CNTLN: variants seen among roughly 807,000 people sequenced by gnomAD.
The protein encoded by CNTLN is centlein, centrosomal protein.
CNTLN carries 212 observed loss-of-function variants against 180.0 expected under a neutral mutation model. That is an observed-to-expected ratio of 1.18 (90% CI 1.05 to 1.32). The LOEUF is 1.32. Ranked by LOEUF, CNTLN falls within the 40% of genes most tolerant of loss-of-function variation. The probability of loss-of-function intolerance (pLI) is 0.00; values close to 1 mark genes in which losing one functional copy is unlikely to be tolerated. For synonymous variants in CNTLN, 722 were observed against 563.1 expected (o/e 1.28, Z -3.99); for missense variants, 2,095 against 1,610.9 (o/e 1.30, Z -5.14).
intron 8 of CNTLN, among the ~76,000 whole-genome samples, chr9:17,323,244 G>A (rs1182570997): frequency 1.3e-5 from 2 of 152,064 alleles, no homozygotes. Flanking sequence ...AATATGGCTC[G>A]CAATTTGCAA....
chr9:17,392,151 T>A (rs1243984917), intron 14 of CNTLN, among the ~76,000 whole-genome samples: 1 of 152,096 alleles, frequency 6.6e-6, no homozygotes, highest in Admixed American at 6.6e-5. Flanking sequence ...CCTCTGGTCC[T>A]AGCTCCTTGG....
chr9:17,267,908 C>G (rs544702475), intron 5 of CNTLN, among the ~76,000 whole-genome samples: 3 of 152,274 alleles, frequency 2.0e-5, no homozygotes, highest in Admixed American at 2.0e-4. Flanking sequence ...AAGGACTTCT[C>G]TGCATTAGTT....
At chr9:17,439,814 A>G (rs930566260) in intron 18 of CNTLN, among the ~76,000 whole-genome samples, 2 of 152,222 alleles carry the variant, frequency 1.3e-5, no homozygotes, top group East Asian at 3.9e-4. Context: ...AAAGAGGAAG[A>G]AACAGGAGAT....
chr9:17,458,038 G>A (rs1265383541), intron 19 of CNTLN, among the ~76,000 whole-genome samples: 3 of 151,864 alleles, frequency 2.0e-5, no homozygotes, highest in Non-Finnish European at 4.4e-5. Flanking sequence ...GGCATGTAAT[G>A]CGTCAACATA....
intron 22 of CNTLN, among the ~76,000 whole-genome samples, chr9:17,466,355 T>A (rs1248645364): frequency 6.6e-6 from 1 of 151,584 alleles, no homozygotes; most frequent in South Asian, 2.1e-4. Context: ...AAATGAAAAC[T>A]ATTATTGAAC....
At chr9:17,286,614 G>C (rs1378758718) in intron 6 of CNTLN, among the ~76,000 whole-genome samples, 1 of 135,432 alleles carries the variant, frequency 7.4e-6, no homozygotes, top group Non-Finnish European at 1.5e-5. Flanking sequence ...CCATTTTCAC[G>C]ATATTGATTC....
chr9:17,409,400 C>T lies in CNTLN; in HGVS notation c.2723C>T (p.Pro908Leu), dbSNP rs199809137. 1 of 1,613,032 alleles carries T rather than the reference C, an allele frequency of 6.2e-7. No homozygotes were observed. Among genetic ancestry groups the T allele is most frequent in the South Asian group, 1.1e-5 (1 of 91,028 alleles). The change falls in exon 16 of 26, where the codon CCA becomes CTA. Residue 908 changes from proline (P) to leucine (L), a missense_variant. Transcript: ENST00000380647. ...EDGKDQKESDPTEDSQTQGKE... is the reference protein window; with the variant it reads ...EDGKDQKESDLTEDSQTQGKE... Reference sequence around the variant, plus strand: ...GGAAAAGACCAGAAAGAAAGTGATCCAACAGAAGACAGCCAAACACAAGGA... The same window carrying T: ...GGAAAAGACCAGAAAGAAAGTGATCTAACAGAAGACAGCCAAACACAAGGA...
At chr9:17,425,795 G>C (rs1262375233) in intron 18 of CNTLN, among the ~76,000 whole-genome samples, 2 of 152,150 alleles carry the variant, frequency 1.3e-5, no homozygotes, top group African/African-American at 2.4e-5. Context: ...GTAGAAGATA[G>C]AACTTGTGAG....
chr9:17,484,097 G>C (rs1832779225), intron 23 of CNTLN, among the ~76,000 whole-genome samples, 198 bp from the exon 24 acceptor site: 1 of 152,156 alleles, frequency 6.6e-6, no homozygotes, highest in African/African-American at 2.4e-5. Flanking sequence ...CAGCAAGTTG[G>C]TTAAGTATTC....
intron 5 of CNTLN, among the ~76,000 whole-genome samples, chr9:17,253,639 A>C (rs533937191): frequency 6.6e-6 from 1 of 151,004 alleles, no homozygotes; most frequent in East Asian, 1.9e-4. Flanking sequence ...TACTGAATTT[A>C]TTTATCAGTT....
At chr9:17,293,819 G>T (rs1817587610) in intron 6 of CNTLN, among the ~76,000 whole-genome samples, 1 of 152,140 alleles carries the variant, frequency 6.6e-6, no homozygotes, top group Non-Finnish European at 1.5e-5. Flanking sequence ...AGGCTGCCGA[G>T]AATCTGGACA....
chr9:17,159,656 A>G (rs566169046), intron 2 of CNTLN, among the ~76,000 whole-genome samples: 48 of 152,310 alleles, frequency 3.2e-4, no homozygotes, highest in South Asian at 1.2e-3. Flanking sequence ...CTTCCCGGGA[A>G]GAAAACCCTC....
chr9:17,280,842 T>C (rs1451437684), intron 6 of CNTLN, among the ~76,000 whole-genome samples: 1 of 152,192 alleles, frequency 6.6e-6, no homozygotes, highest in Non-Finnish European at 1.5e-5. Flanking sequence ...AAAAAGACTC[T>C]AGGCATGCAG....
chr9:17,483,414 A>G (rs1832744885), intron 23 of CNTLN, among the ~76,000 whole-genome samples: 1 of 152,212 alleles, frequency 6.6e-6, no homozygotes, highest in South Asian at 2.1e-4. Context: ...ACAGCTGTCA[A>G]AATTATAGTT....
chr9:17,185,539 C>G lies in CNTLN; in HGVS notation c.450-40664C>G, dbSNP rs77680515. ...AATATATGCTAATTCTTTTAGTTTA[C>G]TTTTTTTTCTTCTAGTTTACTTTTC... On this transcript the variant is annotated intron_variant, in intron 2 of 25. Transcript: ENST00000380647. 1.2e-3 allele frequency among the ~76,000 whole-genome samples: 185 copies of G among 152,068 alleles called. 3 individuals are homozygous for G. In the East Asian group the frequency reaches 0.035, roughly 29 times the overall value.
In CNTLN at chr9:17,220,163, C is replaced by T. The variant is rs780825375; in HGVS notation, c.450-6040C>T. Among the ~76,000 whole-genome samples, 8 of 152,138 alleles carry T rather than the reference C, an allele frequency of 5.3e-5. No homozygotes were observed. In the East Asian group the frequency reaches 5.8e-4, roughly 11 times the overall value. On this transcript the variant is annotated intron_variant, in intron 2 of 25. Coordinates refer to ENST00000380647, the MANE Select transcript of CNTLN (RefSeq NM_017738.4). ...TTCTAACCTGGGTGATGATGATGCT[C>T]GTGCTCTGGCAACCTAACCACTAGT... is the stretch of plus-strand genomic sequence containing the variant.
At chr9:17,479,411 T>C (rs1203029526) in intron 23 of CNTLN, among the ~76,000 whole-genome samples, 1 of 152,170 alleles carries the variant, frequency 6.6e-6, no homozygotes, top group Non-Finnish European at 1.5e-5. Flanking sequence ...CCGACGGCAT[T>C]ATGCTCAGTG....
intron 5 of CNTLN, among the ~76,000 whole-genome samples, chr9:17,260,979 A>G (rs929391998): frequency 6.6e-6 from 1 of 150,950 alleles, no homozygotes; most frequent in African/African-American, 2.5e-5. Context: ...GGATCAGGTA[A>G]TTGTAGGTGT....
intron 18 of CNTLN, among the ~76,000 whole-genome samples, chr9:17,417,615 A>G (rs1435354914): frequency 6.6e-6 from 1 of 152,084 alleles, no homozygotes; most frequent in Non-Finnish European, 1.5e-5. Flanking sequence ...GAGTTGTTAC[A>G]AAAATTATTT....
Sources: gnomAD v4.1 joint callset for allele counts (sites outside exome capture counted in the v4.1 genomes callset) on GRCh38, gnomAD v4.1.1 for gene constraint, MANE v1.5 for transcripts, NCBI Gene and HGNC (gene_info 2026-07-23, HGNC 2026-07-21) for gene names.